The following ERI3 variants were observed in gnomAD, a reference collection of about 807,000 sequenced individuals.
The protein encoded by ERI3 is ERI1 exoribonuclease family member 3.
A neutral mutation model predicts 44.4 loss-of-function variants in ERI3; 18 were observed. That is an observed-to-expected ratio of 0.41 (90% CI 0.28 to 0.60). The LOEUF (loss-of-function observed/expected upper bound fraction) is 0.60, where lower values mean the gene tolerates loss of function less well. Ranked by LOEUF, ERI3 falls within the 20% of genes least tolerant of loss-of-function variation. The pLI is 0.36. For synonymous variants in ERI3, 183 were observed against 164.8 expected (o/e 1.11, Z -0.84); for missense variants, 294 against 435.5 (o/e 0.68, Z 2.89).
chr1:44,224,865 A>C (rs1351727044), intron 8 of ERI3, among the ~76,000 whole-genome samples: 1 of 152,188 alleles, frequency 6.6e-6, no homozygotes. Context: ...TCACCTAACA[A>C]GTCAGTGGAA....
At chr1:44,275,662 C>G (rs1483916863) in intron 7 of ERI3, among the ~76,000 whole-genome samples, 3 of 152,174 alleles carry the variant, frequency 2.0e-5, no homozygotes, top group Non-Finnish European at 4.4e-5. Context: ...CCAGAAATTG[C>G]AGCAAGGCAT....
chr1:44,354,174 C>G, intron 1 of ERI3: 3 of 985,476 alleles, frequency 3.0e-6, no homozygotes, highest in Non-Finnish European at 3.6e-6. Flanking sequence ...AGCGTACACT[C>G]TTTTAGCCAA....
intron 3 of ERI3, chr1:44,322,842 C>G: frequency 6.5e-7 from 1 of 1,549,140 alleles, no homozygotes; most frequent in Non-Finnish European, 8.7e-7. Flanking sequence ...AACTCTGCAG[C>G]CAGGGCACCT....
rs1646161213 is a variant in ERI3 at position 44,319,735 on chromosome 1, C to T, written c.499G>A (p.Glu167Lys). The change falls in exon 4 of 9, where the codon GAG (glutamate) becomes AAG (lysine). Residue 167 changes from glutamate to lysine, a missense_variant. Physicochemically the swap from Glu to Lys is moderately conservative, Grantham distance 56 (BLOSUM62 1). Around this residue, in one of 2 missense-constraint regions of ERI3, gnomAD observed 187 missense variants for 338.6 expected, o/e 0.55. Coordinates refer to ENST00000372257, the MANE Select transcript of ERI3 (RefSeq NM_024066.3). ...KPQIHPQEIIEFPILKLNGRT... is the reference protein window; with the variant it reads ...KPQIHPQEIIKFPILKLNGRT... The stretch of plus-strand genomic sequence containing the variant: ...CCATTTAGCTTTAGGATGGGGAACT[C>T]GATGATTTCCTGGAGTGCCAAAGAT... 1.2e-6 allele frequency: 2 copies of T among 1,612,376 alleles called. No homozygotes were observed. The highest frequency in any genetic ancestry group is 1.1e-5 in the South Asian group (1 of 90,990).
chr1:44,239,470 T>G (rs1170717494), intron 8 of ERI3, among the ~76,000 whole-genome samples: 3 of 151,660 alleles, frequency 2.0e-5, no homozygotes, highest in African/African-American at 7.3e-5. Context: ...CTGCAGGAGG[T>G]GATGGTTAAT....
At chr1:44,339,798 T>G (rs1347173542) in intron 2 of ERI3, among the ~76,000 whole-genome samples, 1 of 152,210 alleles carries the variant, frequency 6.6e-6, no homozygotes, top group African/African-American at 2.4e-5. Context: ...TCAGCTCCAC[T>G]AGGAGCCATT....
rs1644086001 is a variant in ERI3, at chr1:44,228,011, C to T, written c.932-6371G>A. Among the ~76,000 whole-genome samples, 1 of 152,066 alleles carries T rather than the reference C, an allele frequency of 6.6e-6. No homozygotes were observed. Among genetic ancestry groups the T allele is most frequent in the South Asian group, 2.1e-4 (1 of 4,820 alleles). The stretch of plus-strand genomic sequence containing the variant: ...AATAACATCTAAAAATAATGTTATT[C>T]CAACAATAAATTCCTGATATCCCCA... On this transcript the variant is annotated intron_variant, in intron 8 of 8. Transcript: ENST00000372257. The surrounding 1 kb of genome is among the most constrained non-coding windows in gnomAD (Gnocchi z 4.3).
intron 6 of ERI3, among the ~76,000 whole-genome samples, chr1:44,306,400 C>T (rs1382497926): frequency 6.6e-6 from 1 of 152,246 alleles, no homozygotes; most frequent in African/African-American, 2.4e-5. Context: ...AGACGGCAGT[C>T]AGAAGGTGCG....
chr1:44,312,299 T>C (rs1035868723), intron 5 of ERI3, among the ~76,000 whole-genome samples: 3 of 152,170 alleles, frequency 2.0e-5, no homozygotes, highest in Non-Finnish European at 4.4e-5. Context: ...TTGGCTTTAT[T>C]GGTCTTAAAA....
At chr1:44,266,180 G>C (rs1042083668) in intron 7 of ERI3, among the ~76,000 whole-genome samples, 1 of 152,216 alleles carries the variant, frequency 6.6e-6, no homozygotes, top group African/African-American at 2.4e-5. Flanking sequence ...ACTTGATGTA[G>C]GTGTGTGAAG....
chr1:44,297,683 T>C (rs1472566671), intron 6 of ERI3, among the ~76,000 whole-genome samples: 2 of 152,186 alleles, frequency 1.3e-5, no homozygotes, highest in East Asian at 3.9e-4. Flanking sequence ...CTGCATAGCA[T>C]CTGCACTAGG....
Position 44,293,053 on chromosome 1 carries a change from C to A in ERI3, c.759-8146G>T, listed in dbSNP as rs557878096. On this transcript the variant is annotated intron_variant, in intron 6 of 8. Transcript: ENST00000372257. Reference sequence around the variant, plus strand: ...TGTCAGGGAACACTAATGAATTTCACCACCAACAGCCAGGCTTCAGATGGG... The same window carrying A: ...TGTCAGGGAACACTAATGAATTTCAACACCAACAGCCAGGCTTCAGATGGG... 5.1e-4 allele frequency among the ~76,000 whole-genome samples: 77 copies of A among 152,342 alleles called. 1 individual carries two copies. The highest frequency in any genetic ancestry group is 1.4e-3 in the Admixed American group (21 of 15,308).
At position 44,225,578 on chromosome 1, in the gene ERI3, C is replaced by T. The variant is rs550838135; in HGVS notation, c.932-3938G>A. On this transcript the variant is annotated intron_variant, in intron 8 of 8. Transcript: ENST00000372257. ...GTGAGGAGTGCAGCTGCATAAATCC[C>T]TGAGAGAAGATTAGTGGGGCTAGCA... Among the ~76,000 whole-genome samples, 10 of 152,274 alleles carry T rather than the reference C, an allele frequency of 6.6e-5. No individual in the cohort carries two copies. The South Asian group carries it at 1.5e-3, about 22-fold the overall frequency.
At chr1:44,344,392 CATGTTCTCTCTGGTAGAG>C (rs2154331838) in intron 2 of ERI3, among the ~76,000 whole-genome samples, 1 of 152,258 alleles carries the variant, frequency 6.6e-6, no homozygotes, top group Non-Finnish European at 1.5e-5. Flanking sequence ...AGGTAGGCTG[CATGTTCTCTCTGGTAGAG>C]AGGCTCAAAG....
chr1:44,296,596 T>C (rs771891331), intron 6 of ERI3, among the ~76,000 whole-genome samples: 9 of 152,204 alleles, frequency 5.9e-5, no homozygotes, highest in Non-Finnish European at 1.0e-4. Context: ...AAATGTTCTG[T>C]AACCCTAAAA....
rs182941639 is a variant in ERI3 at position 44,337,523 on chromosome 1, G to C, written c.489+1522C>G. Among the ~76,000 whole-genome samples, 18 of 152,318 alleles carry C rather than the reference G, an allele frequency of 1.2e-4. No homozygotes were observed. The East Asian group carries it at 2.3e-3, about 20-fold the overall frequency. ...TAGGCAGGAGCCAGAGGCAGAGAAC[G>C]TAAGTGTGGCTTGAGTAGCTCCCAA... is the stretch of plus-strand genomic sequence containing the variant. On this transcript the variant is annotated intron_variant, in intron 3 of 8. Transcript: ENST00000372257.
At chr1:44,230,255 C>T (rs944263066) in intron 8 of ERI3, 3 of 152,158 alleles carry the variant, frequency 2.0e-5, no homozygotes, top group Non-Finnish European at 2.9e-5. Context: ...AGAGGATGCC[C>T]GCCTCCCCCA....
Position 44,339,268 on chromosome 1 carries a change from C to T in ERI3, c.266G>A (p.Arg89Gln), listed in dbSNP as rs1317128141. The change falls in exon 3 of 9, where the codon CGA becomes CAA. Residue 89 changes from arginine (R) to glutamine (Q), a missense_variant. Physicochemically the swap from Arg to Gln is conservative, Grantham distance 43. This residue lies in a region of ERI3 where 187 missense variants were observed against 338.6 expected (regional missense o/e 0.55). Transcript: ENST00000372257. ...TCTTGAAAGTAAATACGAAGAAAAT[C>T]GAGCTGCTCCAGTCTGTAAAGGTGC... ...MLAPLQTGAA[R>Q]FSSYLLSRAR... 5 of 1,608,136 alleles carry T rather than the reference C, an allele frequency of 3.1e-6. No homozygotes were observed. Among genetic ancestry groups the T allele is most frequent in the South Asian group, 1.1e-5 (1 of 90,966 alleles).
intron 6 of ERI3, 25 bp from the exon 7 acceptor site, chr1:44,284,932 C>A (rs1296415131): frequency 6.2e-7 from 1 of 1,606,412 alleles, no homozygotes; most frequent in South Asian, 1.1e-5. Flanking sequence ...GAAGAGAGAA[C>A]AAGTTGGGCG....
Sources: allele counts gnomAD v4.1 joint callset (sites outside exome capture counted in the v4.1 genomes callset), GRCh38; gene constraint gnomAD v4.1.1; regional missense constraint gnomAD v4.1.1; non-coding constraint Gnocchi (gnomAD v3.1); transcripts MANE v1.5; gene names NCBI Gene and HGNC (gene_info 2026-07-23, HGNC 2026-07-21).